Variants in TMEM131 observed in about 807,000 individuals in gnomAD.
TMEM131 encodes 2610524E03Rik.
Under a neutral mutation model 211.6 loss-of-function variants are expected in TMEM131, and 66 were observed. That is an observed-to-expected ratio of 0.31 (90% CI 0.26 to 0.38). TMEM131 has a LOEUF of 0.38. TMEM131 is among the 10% of genes least tolerant of loss of function. The probability of loss-of-function intolerance (pLI) is 1.00; values close to 1 mark genes in which losing one functional copy is unlikely to be tolerated. For missense variants in TMEM131, 2,036 were observed against 2,299.3 expected (o/e 0.89, Z 2.34); for synonymous variants, 844 against 841.3 (o/e 1.00, Z -0.06).
intron 4 of TMEM131, among the ~76,000 whole-genome samples, chr2:97,881,373 C>CT (rs1674922521): frequency 6.6e-6 from 1 of 151,648 alleles, no homozygotes; most frequent in African/African-American, 2.4e-5. Flanking sequence ...TGCCCAGCTA[C>CT]TTTTTAAAAT....
At chr2:97,908,908 T>C (rs1399840290) in intron 2 of TMEM131, among the ~76,000 whole-genome samples, 1 of 152,164 alleles carries the variant, frequency 6.6e-6, no homozygotes, top group Non-Finnish European at 1.5e-5. Flanking sequence ...CGATGGATTT[T>C]TAAAAGTGTG....
intron 33 of TMEM131, among the ~76,000 whole-genome samples, chr2:97,770,137 T>C (rs1679394550): frequency 6.6e-6 from 1 of 152,238 alleles, no homozygotes; most frequent in Non-Finnish European, 1.5e-5. Flanking sequence ...CTAAAGCTAG[T>C]ACTGGCTGTG....
chr2:97,919,265 C>T (rs777341586), intron 2 of TMEM131, among the ~76,000 whole-genome samples: 1 of 152,120 alleles, frequency 6.6e-6, no homozygotes, highest in Non-Finnish European at 1.5e-5. Flanking sequence ...TATTCCTTTG[C>T]GTTTCTGAGC....
chr2:97,948,814 C>A (rs1054210618), intron 1 of TMEM131, among the ~76,000 whole-genome samples: 2 of 152,210 alleles, frequency 1.3e-5, no homozygotes, highest in East Asian at 1.9e-4. Context: ...CCCGCCACCA[C>A]GCCCGGCTAA....
At chr2:97,836,985 T>C (rs1308234570) in intron 8 of TMEM131, 92 bp downstream of exon 8, 1 of 954,534 alleles carries the variant, frequency 1.0e-6, no homozygotes, top group Non-Finnish European at 1.7e-6. Context: ...CATCCATATT[T>C]GTTAAGCCTA....
intron 8 of TMEM131, among the ~76,000 whole-genome samples, chr2:97,835,454 T>A (rs80267149): frequency 6.6e-6 from 1 of 152,210 alleles, no homozygotes; most frequent in African/African-American, 2.4e-5. Context: ...ACTGCATTCA[T>A]GTAAGACAGC....
At chr2:97,775,312 G>A (rs911920839) in intron 32 of TMEM131, among the ~76,000 whole-genome samples, 1 of 152,114 alleles carries the variant, frequency 6.6e-6, no homozygotes, top group Non-Finnish European at 1.5e-5. Flanking sequence ...TGGGCTCCTC[G>A]TCCCTGGGGG....
In TMEM131 at chr2:97,796,384, T is replaced by C. The variant is rs200740333; in HGVS notation, c.3034A>G (p.Asn1012Asp). 90 of 1,527,244 alleles carry C rather than the reference T, an allele frequency of 5.9e-5. No individual in the cohort carries two copies. The highest frequency in any genetic ancestry group is 7.5e-5 in the Non-Finnish European group (85 of 1,140,164). 94.6% of individuals were successfully genotyped at this position (1,527,244 alleles called of 1,614,324 possible). The change falls in exon 28 of 41, where the codon AAT (asparagine) becomes GAT (aspartate). Residue 1012 changes from asparagine (N) to aspartate (D), a missense_variant. Physicochemically the swap from Asn to Asp is conservative, Grantham distance 23. Transcript: ENST00000186436. The stretch of plus-strand genomic sequence containing the variant: ...TTAAATGTTCTTTTCAATGTGAAAT[T>C]TGGTTCTCTTAGTTTTAAACCTAAA... Reference protein sequence around the residue: ...CTDSLKLREPNFTLKRTFKVE... With the variant: ...CTDSLKLREPDFTLKRTFKVE...
Position 97,775,997 on chromosome 2 carries a change from C to A in TMEM131, c.4166G>T (p.Arg1389Leu), listed in dbSNP as rs747705474. The A allele has an allele frequency of 2.2e-5, 35 of 1,613,172 alleles. No homozygotes were observed. The highest frequency in any genetic ancestry group is 2.9e-5 in the Non-Finnish European group (34 of 1,179,662). Reference protein sequence around the residue: ...KSKGKGKPLQRKVKPPKKQEE... With the variant: ...KSKGKGKPLQLKVKPPKKQEE... ...TTGCTTCTTAGGTGGTTTCACCTTGCGCTGAAGAGGTTTTCCTTTCCCTGA... is the reference window on the plus strand; with the variant it reads ...TTGCTTCTTAGGTGGTTTCACCTTGAGCTGAAGAGGTTTTCCTTTCCCTGA... The change falls in exon 32 of 41, where the codon CGC becomes CTC. Residue 1389 changes from arginine to leucine, a missense_variant. Physicochemically the swap from Arg to Leu is moderately radical, Grantham distance 102 (BLOSUM62 -2). Around this residue, in one of 3 missense-constraint regions of TMEM131, gnomAD observed 1,623 missense variants for 1,805.9 expected, o/e 0.90. Transcript: ENST00000186436.
At chr2:97,918,700 C>G (rs928568494) in intron 2 of TMEM131, among the ~76,000 whole-genome samples, 3 of 152,090 alleles carry the variant, frequency 2.0e-5, no homozygotes, top group Admixed American at 2.0e-4. Flanking sequence ...GACCTTGTCT[C>G]GATCCTGTTT....
Position 97,814,283 on chromosome 2 carries a change from G to C in TMEM131, c.1398C>G (p.Ile466Met). ...IYLTNTFSFA[I>M]LIHDVLLPEE... ...CTGGTAGCAACACATCGTGAATGAG[G>C]ATCGCAAAACTGAAAGTGTTAGTAA... Residue 466 changes from isoleucine (I) to methionine (M), a missense_variant, in exon 14 of 41, where the codon ATC (isoleucine) becomes ATG (methionine). Physicochemically the swap from Ile to Met is conservative, Grantham distance 10. Around this residue, in one of 3 missense-constraint regions of TMEM131, gnomAD observed 1,623 missense variants for 1,805.9 expected, o/e 0.90. Transcript: ENST00000186436. 1 of 1,613,856 alleles carries C rather than the reference G, an allele frequency of 6.2e-7. No individual in the cohort carries two copies. The highest frequency in any genetic ancestry group is 8.5e-7 in the Non-Finnish European group (1 of 1,179,852).
chr2:97,859,955 C>G (rs976227379), intron 4 of TMEM131, among the ~76,000 whole-genome samples: 1 of 152,220 alleles, frequency 6.6e-6, no homozygotes, highest in African/African-American at 2.4e-5. Context: ...GAATCTAAGT[C>G]TTCTGGGTCT....
rs149243086 is a variant in TMEM131 at position 97,874,059 on chromosome 2, G to A, written c.359+13993C>T. Among the ~76,000 whole-genome samples, 954 of 152,278 alleles carry A rather than the reference G, an allele frequency of 6.3e-3. 71 individuals are homozygous for A. The East Asian group carries it at 0.15, about 24-fold the overall frequency. On this transcript the variant is annotated intron_variant, in intron 4 of 40. Coordinates refer to ENST00000186436, the MANE Select transcript of TMEM131 (RefSeq NM_015348.2). ...CCGATGGAGCTGAAAAATACAGCAC[G>A]AGAACTTTGTGAAGCATACACAAGT...
At chr2:97,833,956 C>A (rs1682824972) in intron 10 of TMEM131, among the ~76,000 whole-genome samples, 1 of 152,168 alleles carries the variant, frequency 6.6e-6, no homozygotes, top group South Asian at 2.1e-4. Flanking sequence ...AGCCATCATG[C>A]CCAGCCCCCC....
At chr2:97,872,567 G>C (rs1350657889) in intron 4 of TMEM131, among the ~76,000 whole-genome samples, 1 of 152,136 alleles carries the variant, frequency 6.6e-6, no homozygotes, top group Non-Finnish European at 1.5e-5. Flanking sequence ...ACTGGGACTG[G>C]TTAGACAGTG....
intron 3 of TMEM131, chr2:97,907,011 T>G (rs1676099599): frequency 6.6e-6 from 1 of 152,236 alleles, no homozygotes; most frequent in Non-Finnish European, 1.5e-5. Flanking sequence ...ATGAACATCC[T>G]CATCTTCGTA....
intron 25 of TMEM131, among the ~76,000 whole-genome samples, chr2:97,799,122 T>C (rs2104913227): frequency 6.7e-6 from 1 of 148,680 alleles, no homozygotes; most frequent in Middle Eastern, 3.4e-3. Flanking sequence ...CGATAGACGT[T>C]ATTTGTCTTT....
chr2:97,799,016 T>C (rs1232059902), intron 25 of TMEM131, among the ~76,000 whole-genome samples: 1 of 152,210 alleles, frequency 6.6e-6, no homozygotes, highest in Non-Finnish European at 1.5e-5. Context: ...AATTTTATAG[T>C]GGTGGTTCTC....
chr2:97,852,689 C>A (rs1444582981), intron 5 of TMEM131, among the ~76,000 whole-genome samples: 1 of 152,240 alleles, frequency 6.6e-6, no homozygotes, highest in Non-Finnish European at 1.5e-5. Context: ...TAGCTAAGAT[C>A]ATTGATGAAC....
Sources: gnomAD v4.1 joint callset for allele counts (sites outside exome capture counted in the v4.1 genomes callset) on GRCh38, gnomAD v4.1.1 for gene constraint, gnomAD v4.1.1 regional missense constraint, MANE v1.5 for transcripts, NCBI Gene and HGNC (gene_info 2026-07-23, HGNC 2026-07-21) for gene names.